Variants in SCN10A observed in about 807,000 individuals in gnomAD.
SCN10A encodes sodium channel protein type 10 subunit alpha.
Under a neutral mutation model 170.7 loss-of-function variants are expected in SCN10A, and 162 were observed. That is an observed-to-expected ratio of 0.95 (90% CI 0.84 to 1.08). The LOEUF is 1.08. Among genes scored for constraint, SCN10A ranks in the 50% least tolerant of loss-of-function variants. The probability of loss-of-function intolerance (pLI) is 0.00; values close to 1 mark genes in which losing one functional copy is unlikely to be tolerated. For synonymous variants in SCN10A, 985 were observed against 904.6 expected, an observed-to-expected ratio of 1.09 and a Z score of -1.59; for missense variants, 2,527 against 2,436.9, an observed-to-expected ratio of 1.04 and a Z score of -0.78.
At chr3:38,731,218 T>A (rs1285319240) in intron 15 of SCN10A, among the ~76,000 whole-genome samples, 1 of 152,146 alleles carries the variant, frequency 6.6e-6, no homozygotes. Context: ...AGATAAAGTA[T>A]CAACTAGAAT....
intron 5 of SCN10A, among the ~76,000 whole-genome samples, chr3:38,769,239 CTTT>C (rs56406440): frequency 1.8e-5 from 2 of 109,984 alleles, no homozygotes; most frequent in African/African-American, 3.5e-5. Context: ...CTTCTGAATT[CTTT>C]TTTTTTTTTT....
chr3:38,809,441 T>C (rs1575189018), intron 1 of SCN10A, among the ~76,000 whole-genome samples: 1 of 152,342 alleles, frequency 6.6e-6, no homozygotes, highest in East Asian at 1.9e-4. Flanking sequence ...TGCAGGAGGT[T>C]ATGGGGTTAG....
chr3:38,812,971 T>G (rs1349028898), intron 1 of SCN10A, among the ~76,000 whole-genome samples: 1 of 152,138 alleles, frequency 6.6e-6, no homozygotes. Context: ...AGGTCAAGGC[T>G]GCAGTGAGCT....
At chr3:38,743,009 T>G (rs2063650535) in intron 13 of SCN10A, among the ~76,000 whole-genome samples, 1 of 152,176 alleles carries the variant, frequency 6.6e-6, no homozygotes, top group Admixed American at 6.5e-5. Flanking sequence ...CTCCTAGAGA[T>G]CTGTGAGCCC....
In SCN10A at chr3:38,802,995, G is replaced by A. The variant is rs1040158095; in HGVS notation, c.-32-8953C>T. 5.9e-5 allele frequency among the ~76,000 whole-genome samples: 9 copies of A among 152,298 alleles called. 1 individual carries two copies. Among genetic ancestry groups the A allele is most frequent in the East Asian group, 1.9e-4 (1 of 5,184 alleles). On this transcript the variant is annotated intron_variant, in intron 1 of 27. Transcript: ENST00000449082. ...CCATCAAAAAGTGGGCAAAGGATAT[G>A]AACAGATACTTCTCAAAAGAAGACA...
chr3:38,724,342 C>G (rs2063429945), intron 18 of SCN10A, among the ~76,000 whole-genome samples: 1 of 152,256 alleles, frequency 6.6e-6, no homozygotes, highest in African/African-American at 2.4e-5. Context: ...GTGCCTGTCA[C>G]AAAGTCAGCA....
chr3:38,701,736 C>T (rs920665840), intron 27 of SCN10A, 103 bp downstream of exon 27: 19 of 1,101,698 alleles, frequency 1.7e-5, no homozygotes, highest in East Asian at 9.8e-5. Context: ...AACATAAACA[C>T]GTATTTCAAA....
chr3:38,793,803 G>A lies in SCN10A; in HGVS notation c.208C>T (p.Leu70Phe). The A allele has an allele frequency of 6.2e-7, 1 of 1,613,932 alleles. No homozygotes were observed. Among genetic ancestry groups the A allele is most frequent in the Non-Finnish European group, 8.5e-7 (1 of 1,179,938 alleles). The change falls in exon 2 of 28, where the codon CTC becomes TTC. Residue 70 changes from leucine to phenylalanine, a missense_variant. Physicochemically the swap from Leu to Phe is conservative, Grantham distance 22. Coordinates refer to ENST00000449082, the MANE Select transcript of SCN10A (RefSeq NM_006514.4). ...CNQLPKFYGE[L>F]PAELIGEPLE... ...GGCTCCCCGATCAGTTCTGCTGGGA[G>A]CTCACCATAGAACTTGGGCAGCTGG...
intron 5 of SCN10A, 90 bp downstream of exon 5, chr3:38,771,189 A>G: frequency 6.9e-7 from 1 of 1,445,942 alleles, no homozygotes; most frequent in Non-Finnish European, 9.5e-7. Context: ...CACTCTGTCC[A>G]AGTGGGACCT....
chr3:38,715,843 G>A (rs1446654233), intron 21 of SCN10A, among the ~76,000 whole-genome samples: 6 of 152,186 alleles, frequency 3.9e-5, no homozygotes, highest in Non-Finnish European at 7.3e-5. Context: ...GAGATAGTGA[G>A]TATTTATTCT....
chr3:38,782,683 T>A (rs2064152849), intron 4 of SCN10A, among the ~76,000 whole-genome samples: 1 of 152,110 alleles, frequency 6.6e-6, no homozygotes, highest in African/African-American at 2.4e-5. Flanking sequence ...TCAACAATAT[T>A]AAATATAATT....
chr3:38,726,834 G>A lies in SCN10A; in HGVS notation c.2859C>T (p.Leu953=). 6.2e-7 allele frequency: 1 copy of A among 1,613,920 alleles called. No individual in the cohort carries two copies. The highest frequency in any genetic ancestry group is 1.1e-5 in the South Asian group (1 of 91,076). ...AEPELVVKLP[L]SSSKAENHIA... is the part of the protein sequence containing the mutation. ...TGTGGTTCTCAGCCTTGGAGCTGGAGAGTGGGAGTTTCACCACCAGCTCAG... is the reference window on the plus strand; with the variant it reads ...TGTGGTTCTCAGCCTTGGAGCTGGAAAGTGGGAGTTTCACCACCAGCTCAG... The change falls in exon 17 of 28, where the codon CTC becomes CTT. Residue 953 remains leucine, a synonymous_variant. Transcript: ENST00000449082.
chr3:38,708,006 T>C (rs887823764), intron 25 of SCN10A, among the ~76,000 whole-genome samples: 1 of 152,192 alleles, frequency 6.6e-6, no homozygotes, highest in African/African-American at 2.4e-5. Flanking sequence ...AGTTTTTCTT[T>C]AGGGGCCCTT....
At chr3:38,771,132 A>G (rs1037973054) in intron 5 of SCN10A, 147 bp downstream of exon 5, 1 of 791,438 alleles carries the variant, frequency 1.3e-6, no homozygotes. Context: ...CTCCTGGTAT[A>G]TTCCTGCAGT....
chr3:38,780,889 G>A (rs2126049270), intron 4 of SCN10A, among the ~76,000 whole-genome samples: 1 of 152,174 alleles, frequency 6.6e-6, no homozygotes, highest in South Asian at 2.1e-4. Context: ...TGAAGATGAG[G>A]AGAGTAGTGG....
At position 38,739,532 on chromosome 3, in the gene SCN10A, G is replaced by C. The variant is rs1167967511; in HGVS notation, c.2263C>G (p.Leu755Val). Residue 755 changes from leucine (L) to valine (V), a missense_variant, in exon 15 of 28, where the codon CTG becomes GTG. Leu to Val is a conservative substitution (Grantham distance 32). Coordinates refer to ENST00000449082, the MANE Select transcript of SCN10A (RefSeq NM_006514.4). ...AACATTACCAAGCGGAAGCTCCGCAGCACAGACAGGCTTCCCTTCTTGGCC... is the reference window on the plus strand; with the variant it reads ...AACATTACCAAGCGGAAGCTCCGCACCACAGACAGGCTTCCCTTCTTGGCC... ...GVAKKGSLSV[L>V]RSFRLLRVFK... 1 of 1,613,942 alleles carries C rather than the reference G, an allele frequency of 6.2e-7. No individual in the cohort carries two copies. Among genetic ancestry groups the C allele is most frequent in the East Asian group, 2.2e-5 (1 of 44,874 alleles).
chr3:38,750,282 G>C (rs2063734505), intron 12 of SCN10A, 98 bp from the exon 13 acceptor site: 4 of 632,404 alleles, frequency 6.3e-6, no homozygotes, highest in African/African-American at 1.8e-5. Flanking sequence ...CTCATATATA[G>C]TCATATGTCA....
intron 4 of SCN10A, among the ~76,000 whole-genome samples, chr3:38,778,726 A>T (rs183802558): frequency 6.6e-6 from 1 of 152,176 alleles, no homozygotes; most frequent in Admixed American, 6.5e-5. Context: ...TATCCCAAGG[A>T]CATTTATTAT....
Position 38,728,632 on chromosome 3 carries a change from C to G in SCN10A, c.2550G>C (p.Trp850Cys). Residue 850 changes from tryptophan to cysteine, a missense_variant, in exon 16 of 28, where the codon TGG becomes TGC. Physicochemically the swap from Trp to Cys is radical, Grantham distance 215. Transcript: ENST00000449082. ...LIVFRILCGE[W>C]IENMWACMEV... Reference sequence around the variant, plus strand: ...CCATGCAGGCCCACATGTTCTCAATCCACTCTCCACAGAGGATACGGAAGA... The same window carrying G: ...CCATGCAGGCCCACATGTTCTCAATGCACTCTCCACAGAGGATACGGAAGA... 1 of 1,613,980 alleles carries G rather than the reference C, an allele frequency of 6.2e-7. No individual in the cohort carries two copies.
Sources: gnomAD v4.1 joint callset for allele counts (sites outside exome capture counted in the v4.1 genomes callset) on GRCh38, gnomAD v4.1.1 for gene constraint, MANE v1.5 for transcripts, NCBI Gene and HGNC (gene_info 2026-07-23, HGNC 2026-07-21) for gene names.